The following TYW1 variants were observed in gnomAD, a reference collection of about 807,000 sequenced individuals.
TYW1 encodes the protein tRNA-yW synthesizing protein 1 homolog.
In TYW1, 46 loss-of-function variants were observed where a neutral mutation model predicts 96.2. The observed-to-expected ratio is 0.48, with a 90% CI of 0.38 to 0.61. The LOEUF (loss-of-function observed/expected upper bound fraction) is 0.61. Ranked by LOEUF, TYW1 falls within the 20% of genes least tolerant of loss-of-function variation. TYW1 has a pLI of 0.00. For synonymous variants in TYW1, 274 were observed against 323.0 expected (o/e 0.85, Z 1.63); for missense variants, 684 against 909.6 (o/e 0.75, Z 3.19).
intron 10 of TYW1, among the ~76,000 whole-genome samples, chr7:67,078,079 GTTTA>G (rs886629486): frequency 1.3e-5 from 2 of 151,434 alleles, no homozygotes; most frequent in African/African-American, 4.8e-5. Flanking sequence ...TAGGTTTATA[GTTTA>G]TTTTTTGTTT....
At chr7:67,022,615 T>C (rs1273084001) in intron 6 of TYW1, among the ~76,000 whole-genome samples, 1 of 152,150 alleles carries the variant, frequency 6.6e-6, no homozygotes, top group African/African-American at 2.4e-5. Context: ...GACTAGAAGA[T>C]CTAAAAATGG....
chr7:67,170,178 G>A (rs1409595091), intron 13 of TYW1, among the ~76,000 whole-genome samples: 1 of 152,112 alleles, frequency 6.6e-6, no homozygotes, highest in African/African-American at 2.4e-5. Context: ...ACCATGTGTT[G>A]AAAAGACTAT....
intron 4 of TYW1, among the ~76,000 whole-genome samples, chr7:67,011,516 C>G (rs1250231934): frequency 6.6e-6 from 1 of 152,218 alleles, no homozygotes; most frequent in Non-Finnish European, 1.5e-5. Flanking sequence ...AATCTCAGGT[C>G]TTAGCCTAGC....
intron 13 of TYW1, among the ~76,000 whole-genome samples, chr7:67,150,295 A>G (rs554694307): frequency 0.033 from 5,047 of 152,108 alleles, 214 homozygotes; most frequent in African/African-American, 0.11. Context: ...GAAGTAGAGA[A>G]GCAGAGTCCA....
rs1003581010 is a variant in TYW1, at chr7:67,018,376, C to T, written c.861+233C>T. ...CAACATAGCAAGACCCTATCTTTACCACAATAATTTTAAATTTAGCAAGGC... is the reference window on the plus strand; with the variant it reads ...CAACATAGCAAGACCCTATCTTTACTACAATAATTTTAAATTTAGCAAGGC... On this transcript the variant is annotated intron_variant, in intron 6 of 15. Coordinates refer to ENST00000359626, the MANE Select transcript of TYW1 (RefSeq NM_018264.4). Among the ~76,000 whole-genome samples the T allele has an allele frequency of 1.9e-4, 28 of 151,150 alleles. 1 individual carries two copies. Among genetic ancestry groups the T allele is most frequent in the African/African-American group, 6.6e-4 (27 of 41,102 alleles).
chr7:67,040,236 C>T (rs1006162969), intron 7 of TYW1, among the ~76,000 whole-genome samples: 5 of 152,196 alleles, frequency 3.3e-5, no homozygotes, highest in African/African-American at 1.2e-4. Flanking sequence ...AGGATAGCCA[C>T]CGGGCCTGGC....
chr7:67,222,021 C>A (rs752664215), intron 15 of TYW1, among the ~76,000 whole-genome samples: 1 of 151,764 alleles, frequency 6.6e-6, no homozygotes, highest in African/African-American at 2.4e-5. Flanking sequence ...AAATGGCAAA[C>A]CCCCATCTCT....
chr7:67,084,423 T>C (rs1796478941), intron 11 of TYW1, among the ~76,000 whole-genome samples: 2 of 152,222 alleles, frequency 1.3e-5, no homozygotes, highest in African/African-American at 2.4e-5. Flanking sequence ...AACTTTATCA[T>C]GCATCGGAAT....
At chr7:66,997,689 C>T (rs1793231167) in intron 1 of TYW1, among the ~76,000 whole-genome samples, 1 of 125,540 alleles carries the variant, frequency 8.0e-6, no homozygotes, top group Non-Finnish European at 1.6e-5. Flanking sequence ...AGTGCGGTGG[C>T]GCAATCTTGG....
At chr7:67,096,919 C>T (rs902794112) in intron 11 of TYW1, among the ~76,000 whole-genome samples, 22 of 152,182 alleles carry the variant, frequency 1.4e-4, no homozygotes, top group Admixed American at 6.5e-5. Flanking sequence ...CAGTACCTGA[C>T]AAACCAAGCT....
chr7:67,030,019 A>G (rs566360910), intron 7 of TYW1, among the ~76,000 whole-genome samples: 1 of 152,308 alleles, frequency 6.6e-6, no homozygotes, highest in South Asian at 2.1e-4. Flanking sequence ...GGCATGAGGA[A>G]GAGACACAGA....
At chr7:67,062,884 A>G (rs1490731395) in intron 9 of TYW1, among the ~76,000 whole-genome samples, 3 of 152,226 alleles carry the variant, frequency 2.0e-5, no homozygotes, top group Admixed American at 6.5e-5. Flanking sequence ...TGAAGAATTA[A>G]TGCCAGTTTT....
chr7:67,047,783 A>ATTTTTTTT (rs36007120), intron 7 of TYW1, among the ~76,000 whole-genome samples: 1 of 79,872 alleles, frequency 1.3e-5, no homozygotes, highest in African/African-American at 4.7e-5. Flanking sequence ...GTGAGTGTCA[A>ATTTTTTTT]TTTTTTTTTT....
At chr7:67,015,887 C>T (rs1180284251) in intron 5 of TYW1, among the ~76,000 whole-genome samples, 3 of 150,016 alleles carry the variant, frequency 2.0e-5, no homozygotes, top group East Asian at 2.0e-4. Flanking sequence ...GGCGTGTACT[C>T]GGGAGGCAGA....
At chr7:67,158,082 ATTTTTTTTTTT>A (rs560215948) in intron 13 of TYW1, among the ~76,000 whole-genome samples, 2,617 of 102,248 alleles carry the variant, frequency 0.026, 101 homozygotes, top group African/African-American at 0.091. Flanking sequence ...TTTGCTGAGG[ATTTTTTTTTTT>A]TTTTTTTTTT....
At chr7:67,018,569 AAAG>A (rs1794107295) in intron 6 of TYW1, among the ~76,000 whole-genome samples, 1 of 151,862 alleles carries the variant, frequency 6.6e-6, no homozygotes, top group South Asian at 2.1e-4. Context: ...AATAACAAAA[AAAG>A]AAGGAAGATG....
At chr7:67,006,438 CTTTTTTT>C (rs34088521) in intron 3 of TYW1, among the ~76,000 whole-genome samples, 27 of 114,764 alleles carry the variant, frequency 2.4e-4, no homozygotes, top group African/African-American at 8.9e-4. Flanking sequence ...TTCTTTTTTC[CTTTTTTT>C]TTTTTTTTTT....
At chr7:67,055,774 T>G (rs1050173551) in intron 8 of TYW1, 61 bp from the exon 9 acceptor site, 11 of 1,434,212 alleles carry the variant, frequency 7.7e-6, no homozygotes, top group Non-Finnish European at 1.0e-5. Context: ...AATTTTAAAG[T>G]CACTTTTTGA....
intron 3 of TYW1, among the ~76,000 whole-genome samples, chr7:67,002,216 T>TA (rs1367447062): frequency 6.6e-6 from 1 of 151,668 alleles, no homozygotes; most frequent in Non-Finnish European, 1.5e-5. Context: ...CTGGGCTAAT[T>TA]AAAAAAATTT....
Sources: allele counts gnomAD v4.1 joint callset (sites outside exome capture counted in the v4.1 genomes callset), GRCh38; gene constraint gnomAD v4.1.1; transcripts MANE v1.5; gene names NCBI Gene and HGNC (gene_info 2026-07-23, HGNC 2026-07-21).